Variants in LRP1B observed in about 807,000 individuals in gnomAD.
LRP1B encodes the protein low-density lipoprotein receptor-related protein 1B.
In LRP1B, 217 loss-of-function variants were observed where a neutral mutation model predicts 556.6. The observed-to-expected ratio is 0.39, with a 90% CI of 0.35 to 0.44. The LOEUF (loss-of-function observed/expected upper bound fraction) is 0.44, where lower values mean the gene tolerates loss of function less well. Ranked by LOEUF, LRP1B falls within the 20% of genes least tolerant of loss-of-function variation. The pLI is 1.00. For missense variants in LRP1B, 5,053 were observed against 5,620.8 expected, an observed-to-expected ratio of 0.90 and a Z score of 3.23; for synonymous variants, 2,047 against 1,865.8, an observed-to-expected ratio of 1.10 and a Z score of -2.50.
chr2:140,483,467 C>T (rs1688321870), intron 59 of LRP1B, among the ~76,000 whole-genome samples: 1 of 150,882 alleles, frequency 6.6e-6, no homozygotes, highest in African/African-American at 2.4e-5. Context: ...GGTAATGTTT[C>T]TTTCATTAGA....
At chr2:141,791,654 CTG>C (rs1220131485) in intron 2 of LRP1B, among the ~76,000 whole-genome samples, 1 of 152,002 alleles carries the variant, frequency 6.6e-6, no homozygotes, top group Non-Finnish European at 1.5e-5. Context: ...TTTCTTCACT[CTG>C]TGGGTGATTT....
At chr2:142,114,876 A>G (rs1475499995) in intron 1 of LRP1B, among the ~76,000 whole-genome samples, 1 of 152,120 alleles carries the variant, frequency 6.6e-6, no homozygotes, top group African/African-American at 2.4e-5. Context: ...TTTATTGTAC[A>G]TTTCAAAGTG....
intron 1 of LRP1B, among the ~76,000 whole-genome samples, chr2:142,121,899 G>GA (rs34528579): frequency 1.3e-5 from 2 of 151,528 alleles, no homozygotes; most frequent in Non-Finnish European, 2.9e-5. Context: ...GATTCAGCAA[G>GA]AAAAAAAAAA....
chr2:141,336,313 T>A (rs1369616869), intron 3 of LRP1B, among the ~76,000 whole-genome samples: 2 of 152,076 alleles, frequency 1.3e-5, no homozygotes, highest in Non-Finnish European at 2.9e-5. Flanking sequence ...TTATAACTTT[T>A]ACTATTGTCC....
chr2:141,938,132 C>A (rs1274409860), intron 1 of LRP1B, among the ~76,000 whole-genome samples: 2 of 151,884 alleles, frequency 1.3e-5, no homozygotes, highest in African/African-American at 4.8e-5. Context: ...AAATCTTCTG[C>A]CTACCGAAGG....
intron 6 of LRP1B, among the ~76,000 whole-genome samples, chr2:141,214,704 G>A (rs1417586434): frequency 6.6e-6 from 1 of 152,164 alleles, no homozygotes; most frequent in Non-Finnish European, 1.5e-5. Flanking sequence ...CTGTTCCTAT[G>A]TTCATTGGTG....
intron 2 of LRP1B, among the ~76,000 whole-genome samples, chr2:141,595,589 C>A (rs1383697545): frequency 1.3e-5 from 2 of 152,036 alleles, no homozygotes; most frequent in Middle Eastern, 3.2e-3. Context: ...CGCTATCATT[C>A]TTTTATGTAA....
intron 1 of LRP1B, among the ~76,000 whole-genome samples, chr2:142,050,799 A>G (rs1559043490): frequency 6.6e-6 from 1 of 152,120 alleles, no homozygotes; most frequent in Non-Finnish European, 1.5e-5. Context: ...CCATCTCCCC[A>G]TAAACTCCTT....
chr2:141,307,642 T>A (rs539493527), intron 3 of LRP1B, among the ~76,000 whole-genome samples: 1 of 152,260 alleles, frequency 6.6e-6, no homozygotes, highest in African/African-American at 2.4e-5. Flanking sequence ...TAGTGGAGGC[T>A]GTTGTGAAGT....
At chr2:141,907,289 G>C (rs574124553) in intron 1 of LRP1B, among the ~76,000 whole-genome samples, 1 of 151,358 alleles carries the variant, frequency 6.6e-6, no homozygotes, top group Non-Finnish European at 1.5e-5. Flanking sequence ...CTCAATTCTC[G>C]GTGATGGCAC....
At chr2:141,736,078 C>T (rs1355044744) in intron 2 of LRP1B, among the ~76,000 whole-genome samples, 1 of 152,128 alleles carries the variant, frequency 6.6e-6, no homozygotes, top group Non-Finnish European at 1.5e-5. Flanking sequence ...CTCACCCACT[C>T]TCTCTAGGGG....
chr2:141,303,055 T>A (rs1050604451), intron 3 of LRP1B, among the ~76,000 whole-genome samples: 1 of 152,100 alleles, frequency 6.6e-6, no homozygotes, highest in Non-Finnish European at 1.5e-5. Context: ...AGCTTTAACA[T>A]GTTCCATATT....
chr2:140,333,008 C>G (rs1052142238), intron 79 of LRP1B, among the ~76,000 whole-genome samples: 3 of 152,076 alleles, frequency 2.0e-5, no homozygotes, highest in African/African-American at 7.2e-5. Context: ...CTCTTCAAAG[C>G]TAGAATAGAA....
chr2:140,435,501 C>T (rs1245160700), intron 66 of LRP1B, among the ~76,000 whole-genome samples: 1 of 152,072 alleles, frequency 6.6e-6, no homozygotes, highest in African/African-American at 2.4e-5. Context: ...TCTTTTCAAA[C>T]TCAATTATAA....
chr2:140,808,077 G>C (rs1199386436), intron 32 of LRP1B, among the ~76,000 whole-genome samples: 1 of 152,156 alleles, frequency 6.6e-6, no homozygotes, highest in African/African-American at 2.4e-5. Context: ...AGGTGACAGA[G>C]TGAGACTCCA....
chr2:141,464,606 A>ATATATT lies in LRP1B; in HGVS notation c.343+15789_343+15790insAATATA. ...TTTGTATATATATATATATATATATATTTTTTTAGTAGAGATGGGGTTTCA... is the reference window on the plus strand; with the variant it reads ...TTTGTATATATATATATATATATATATATATTTTTTTTTAGTAGAGATGGGGTTTCA... On this transcript the variant is annotated intron_variant, in intron 3 of 90. Coordinates refer to ENST00000389484, the MANE Select transcript of LRP1B (RefSeq NM_018557.3). Among the ~76,000 whole-genome samples, 9 of 90,542 alleles carry ATATATT rather than the reference A, an allele frequency of 9.9e-5. 2 individuals are homozygous for ATATATT. The South Asian group carries it at 1.3e-3, about 13-fold the overall frequency. 59.4% of individuals were successfully genotyped at this position (90,542 alleles called of 152,430 possible). A position where few individuals can be genotyped will look rare whatever the true frequency, so the allele number is the denominator to read the frequency against.
chr2:141,145,824 C>T (rs13000221), intron 7 of LRP1B, among the ~76,000 whole-genome samples: 53,765 of 151,210 alleles, frequency 0.36, 10,704 homozygotes, highest in Non-Finnish European at 0.46. Context: ...TGAGCCACTG[C>T]GCCCAGATGG....
intron 2 of LRP1B, among the ~76,000 whole-genome samples, chr2:141,570,687 A>G (rs1686494281): frequency 6.6e-6 from 1 of 151,272 alleles, no homozygotes; most frequent in Admixed American, 6.6e-5. Flanking sequence ...ATCCATCTCT[A>G]TAGCTTCAGG....
At chr2:141,750,962 A>G (rs1694089833) in intron 2 of LRP1B, among the ~76,000 whole-genome samples, 1 of 152,058 alleles carries the variant, frequency 6.6e-6, no homozygotes, top group African/African-American at 2.4e-5. Flanking sequence ...TCCTTGCTCC[A>G]GGAATTATTA....
Sources: allele counts gnomAD v4.1 joint callset (sites outside exome capture counted in the v4.1 genomes callset), GRCh38; gene constraint gnomAD v4.1.1; transcripts MANE v1.5; gene names NCBI Gene and HGNC (gene_info 2026-07-23, HGNC 2026-07-21).